The following DMC1 variants were observed in gnomAD, a reference collection of about 807,000 sequenced individuals.
DMC1 encodes the protein DNA meiotic recombinase 1.
In DMC1, 27 loss-of-function variants were observed where a neutral mutation model predicts 50.1. That is an observed-to-expected ratio of 0.54 (90% CI 0.40 to 0.74). DMC1 has a LOEUF of 0.74. Among genes scored for constraint, DMC1 ranks in the 30% least tolerant of loss-of-function variants. DMC1 has a pLI of 0.00. For synonymous variants in DMC1, 148 were observed against 136.1 expected, an observed-to-expected ratio of 1.09 and a Z score of -0.61; for missense variants, 295 against 420.2, an observed-to-expected ratio of 0.70 and a Z score of 2.60.
At chr22:38,521,383 G>A (rs914462509) in intron 13 of DMC1, among the ~76,000 whole-genome samples, 1 of 151,932 alleles carries the variant, frequency 6.6e-6, no homozygotes, top group East Asian at 1.9e-4. Context: ...TAATTTTTTA[G>A]AAAGAAATTC....
intron 1 of DMC1, 69 bp from the exon 2 acceptor site, chr22:38,568,358 T>C (rs1186371743): frequency 6.8e-6 from 8 of 1,182,604 alleles, no homozygotes; most frequent in African/African-American, 4.6e-5. Flanking sequence ...CATTTCAAAG[T>C]CAACAAGGAC....
In DMC1 at chr22:38,520,360, T is replaced by G. The variant is rs529081789; in HGVS notation, c.954-271A>C. ...AAAGGATAACTGGATGTTCTTTCAT[T>G]TATTTATTTTAATTTTTTTTTTTTG... On this transcript the variant is annotated intron_variant, in intron 13 of 13. Coordinates refer to ENST00000216024, the MANE Select transcript of DMC1 (RefSeq NM_007068.4). 1.3e-4 allele frequency among the ~76,000 whole-genome samples: 20 copies of G among 151,720 alleles called. 1 individual carries two copies. The South Asian group carries it at 4.2e-3, about 32-fold the overall frequency.
intron 12 of DMC1, among the ~76,000 whole-genome samples, chr22:38,532,262 T>C (rs1569156420): frequency 6.6e-6 from 1 of 152,080 alleles, no homozygotes; most frequent in Non-Finnish European, 1.5e-5. Context: ...CTATAGACAA[T>C]GTGTGACTTA....
At chr22:38,530,093 A>C (rs968992128) in intron 12 of DMC1, among the ~76,000 whole-genome samples, 7 of 152,062 alleles carry the variant, frequency 4.6e-5, no homozygotes, top group Admixed American at 3.3e-4. Flanking sequence ...CAGCCTCCCA[A>C]GTAGCTGGGA....
intron 5 of DMC1, among the ~76,000 whole-genome samples, chr22:38,556,025 T>C (rs952354870): frequency 2.6e-5 from 4 of 152,054 alleles, no homozygotes; most frequent in African/African-American, 7.2e-5. Flanking sequence ...AGAAATGGGG[T>C]TTCACCATAT....
intron 12 of DMC1, among the ~76,000 whole-genome samples, chr22:38,528,459 A>C (rs1473843178): frequency 6.6e-6 from 1 of 152,066 alleles, no homozygotes; most frequent in Non-Finnish European, 1.5e-5. Context: ...CAATCTTGGC[A>C]CATAAGAGAT....
intron 4 of DMC1, among the ~76,000 whole-genome samples, chr22:38,562,741 T>C (rs985845345): frequency 2.6e-5 from 4 of 151,352 alleles, no homozygotes; most frequent in Non-Finnish European, 4.4e-5. Context: ...CATGTACACA[T>C]ATATACACAC....
At chr22:38,569,115 C>T (rs1248672037) in intron 1 of DMC1, among the ~76,000 whole-genome samples, 5 of 147,554 alleles carry the variant, frequency 3.4e-5, no homozygotes, top group East Asian at 2.0e-4. Flanking sequence ...ACCTGGGAGG[C>T]GGAGGTTGCA....
chr22:38,552,610 A>G (rs1396547099), intron 7 of DMC1, 56 bp downstream of exon 7: 4 of 1,170,938 alleles, frequency 3.4e-6, no homozygotes, highest in East Asian at 2.3e-5. Flanking sequence ...CACATAGTAG[A>G]TGTTTGATAA....
intron 12 of DMC1, among the ~76,000 whole-genome samples, chr22:38,522,388 C>T (rs2090039169): frequency 6.6e-6 from 1 of 152,004 alleles, no homozygotes; most frequent in African/African-American, 2.4e-5. Context: ...AAACCCATCT[C>T]TACTAAAAAT....
chr22:38,515,919 G>GT (rs2089973819), downstream of DMC1, among the ~76,000 whole-genome samples: 1 of 152,112 alleles, frequency 6.6e-6, no homozygotes, highest in Non-Finnish European at 1.5e-5. Flanking sequence ...CCCTTTTCTG[G>GT]TAACAGTATG....
the DMC1 span, among the ~76,000 whole-genome samples, chr22:38,513,646 C>A: frequency 1.3e-5 from 2 of 152,156 alleles, no homozygotes; most frequent in Admixed American, 6.5e-5. Flanking sequence ...GGCACCATCT[C>A]GGCTCACTGC....
At chr22:38,538,677 T>C (rs775196006) in intron 9 of DMC1, 65 bp from the exon 10 acceptor site, 2 of 1,373,144 alleles carry the variant, frequency 1.5e-6, no homozygotes, top group Non-Finnish European at 2.1e-6. Context: ...AGATCATTCA[T>C]ATTCTTGGGA....
At chr22:38,542,240 A>G (rs887656264) in intron 8 of DMC1, among the ~76,000 whole-genome samples, 1 of 151,868 alleles carries the variant, frequency 6.6e-6, no homozygotes, top group Non-Finnish European at 1.5e-5. Flanking sequence ...AAGGTCATCC[A>G]GATTGAAAAG....
intron 12 of DMC1, among the ~76,000 whole-genome samples, chr22:38,532,318 C>CTT (rs1334815968): frequency 4.3e-5 from 6 of 139,642 alleles, no homozygotes; most frequent in Non-Finnish European, 6.3e-5. Context: ...TATTGTCTTT[C>CTT]TTTTTTTTTT....
intron 12 of DMC1, among the ~76,000 whole-genome samples, chr22:38,535,126 C>T (rs1278067717): frequency 4.6e-5 from 7 of 151,484 alleles, no homozygotes; most frequent in Non-Finnish European, 8.8e-5. Context: ...GGTGAAACCC[C>T]GTCTCTACTA....
Position 38,519,396 on chromosome 22 carries a change from C to T in DMC1, c.*624G>A, listed in dbSNP as rs2145754584. The T allele has an allele frequency of 6.5e-6, 1 of 152,808 alleles. No individual in the cohort carries two copies. Among genetic ancestry groups the T allele is most frequent in the Middle Eastern group, 3.4e-3 (1 of 294 alleles). The allele number at this position is 152,808 out of a possible 1,614,324, so 9.5% of individuals were successfully genotyped here. A position where few individuals can be genotyped will look rare whatever the true frequency, so the allele number is the denominator to read the frequency against. ...TTTTTTAAAAGTAATTTCTGCTTGT[C>T]AAAGTCAAATGATTTAAAATTTGGC... On this transcript the variant is annotated 3_prime_UTR_variant, in exon 14 of 14. Transcript: ENST00000216024.
At chr22:38,563,515 CCTCT>C (rs950068857) in intron 4 of DMC1, among the ~76,000 whole-genome samples, 2 of 151,896 alleles carry the variant, frequency 1.3e-5, no homozygotes, top group Non-Finnish European at 2.9e-5. Context: ...TTCTTTCTCT[CCTCT>C]CTCTCTGTCT....
At chr22:38,528,063 AT>A (rs913046899) in intron 12 of DMC1, among the ~76,000 whole-genome samples, 2,567 of 139,814 alleles carry the variant, frequency 0.018, 33 homozygotes, top group South Asian at 0.053. Flanking sequence ...TATATATTGA[AT>A]TTTTTTTTTT....
Sources: gnomAD v4.1 joint callset for allele counts (sites outside exome capture counted in the v4.1 genomes callset) on GRCh38, gnomAD v4.1.1 for gene constraint, MANE v1.5 for transcripts, NCBI Gene and HGNC (gene_info 2026-07-23, HGNC 2026-07-21) for gene names.